Variants in IL1RAPL2 observed in about 807,000 individuals in gnomAD.
IL1RAPL2 encodes interleukin 1 receptor accessory protein like 2.
Under a neutral mutation model 44.1 loss-of-function variants are expected in IL1RAPL2, and 3 were observed. That is an observed-to-expected ratio of 0.07 (90% CI 0.03 to 0.18). IL1RAPL2 has a LOEUF of 0.18. Among genes scored for constraint, IL1RAPL2 ranks in the 10% least tolerant of loss-of-function variants. The pLI is 1.00. For missense variants in IL1RAPL2, 391 were observed against 496.4 expected (o/e 0.79, Z 2.02); for synonymous variants, 181 against 178.8 (o/e 1.01, Z -0.10).
chrX:105,405,470 T>G (rs1408206256), intron 5 of IL1RAPL2, among the ~76,000 whole-genome samples: 1 of 111,902 alleles, frequency 8.9e-6, no homozygotes, highest in Non-Finnish European at 1.9e-5. Flanking sequence ...TAGCATTTGC[T>G]TGGAACATGG....
chrX:105,199,740 A>G (rs1296162775), intron 3 of IL1RAPL2, among the ~76,000 whole-genome samples: 1 of 112,246 alleles, frequency 8.9e-6, no homozygotes, highest in African/African-American at 3.2e-5. Flanking sequence ...AGATTGGAAC[A>G]TAACTTGTGA....
At chrX:104,733,450 A>G (rs1306346386) in intron 2 of IL1RAPL2, among the ~76,000 whole-genome samples, 15 of 108,534 alleles carry the variant, frequency 1.4e-4, no homozygotes, top group Non-Finnish European at 2.7e-4. Flanking sequence ...GAAAACAACA[A>G]CAGCAGCAAC....
chrX:105,160,691 AAAG>A (rs1219932757), intron 2 of IL1RAPL2, among the ~76,000 whole-genome samples: 12 of 111,725 alleles, frequency 1.1e-4, no homozygotes, highest in Non-Finnish European at 1.7e-4. Context: ...AAGGAGATAG[AAAG>A]AAGAGGGTAT....
At chrX:105,639,881 A>G (rs111259426) in intron 6 of IL1RAPL2, among the ~76,000 whole-genome samples, 1 of 111,513 alleles carries the variant, frequency 9.0e-6, no homozygotes, top group Non-Finnish European at 1.9e-5. Context: ...GGCAGAAATG[A>G]CAAGTACCGT....
At chrX:105,274,358 A>G (rs982780482) in intron 5 of IL1RAPL2, among the ~76,000 whole-genome samples, 2 of 112,411 alleles carry the variant, frequency 1.8e-5, no homozygotes, top group Non-Finnish European at 3.8e-5. Context: ...GTAAATTGTT[A>G]CTGAATTTTG....
intron 2 of IL1RAPL2, among the ~76,000 whole-genome samples, chrX:104,840,195 G>A (rs1921863276): frequency 2.7e-5 from 3 of 111,903 alleles, no homozygotes; most frequent in South Asian, 3.7e-4. Context: ...TCTGATGTGG[G>A]TATTTAGTGC....
intron 6 of IL1RAPL2, among the ~76,000 whole-genome samples, chrX:105,512,915 C>T (rs1257749502): frequency 9.1e-6 from 1 of 110,433 alleles, no homozygotes; most frequent in Non-Finnish European, 1.9e-5. Flanking sequence ...GCTACCCCTC[C>T]CCTAGGCCCC....
chrX:104,771,125 T>C (rs1932635511), intron 2 of IL1RAPL2, among the ~76,000 whole-genome samples: 1 of 112,329 alleles, frequency 8.9e-6, no homozygotes, highest in South Asian at 3.7e-4. Context: ...GTCTTTAGGT[T>C]TTTTCATATC....
intron 6 of IL1RAPL2, among the ~76,000 whole-genome samples, chrX:105,625,920 T>C (rs2037450109): frequency 9.0e-6 from 1 of 111,680 alleles, no homozygotes; most frequent in South Asian, 3.7e-4. Context: ...GCATAATAAC[T>C]CAAAAGAGAA....
chrX:105,387,902 A>G (rs1318463488), intron 5 of IL1RAPL2, among the ~76,000 whole-genome samples: 2 of 108,257 alleles, frequency 1.8e-5, no homozygotes, highest in Non-Finnish European at 3.8e-5. Context: ...TAATCCCAGC[A>G]CTTTGGGAGA....
chrX:104,780,299 G>A (rs907783296), intron 2 of IL1RAPL2, among the ~76,000 whole-genome samples: 1 of 112,118 alleles, frequency 8.9e-6, no homozygotes, highest in African/African-American at 3.2e-5. Context: ...CCTCTGAAAA[G>A]TAAAAGCCAC....
At chrX:104,609,236 G>A (rs1013176375) in intron 1 of IL1RAPL2, among the ~76,000 whole-genome samples, 1 of 110,019 alleles carries the variant, frequency 9.1e-6, no homozygotes, top group Non-Finnish European at 1.9e-5. Flanking sequence ...TAGTCTGATG[G>A]GCTTCCCTTT....
At chrX:105,075,861 T>C (rs1161494629) in intron 2 of IL1RAPL2, among the ~76,000 whole-genome samples, 1 of 111,883 alleles carries the variant, frequency 8.9e-6, no homozygotes, top group Non-Finnish European at 1.9e-5. Context: ...TGATGGTAGT[T>C]TGTATTTCTG....
Position 105,178,100 on chromosome X carries a change from T to G in IL1RAPL2, c.83-17375T>G, listed in dbSNP as rs2033493042. On this transcript the variant is annotated intron_variant, in intron 2 of 10. Coordinates refer to ENST00000372582, the MANE Select transcript of IL1RAPL2 (RefSeq NM_017416.2). ...TGTTTCTTCTATCTAACCATATGTT[T>G]ATACCTATTAACCAATCTCTCACCT... Among the ~76,000 whole-genome samples, 3 of 111,782 alleles carry G rather than the reference T, an allele frequency of 2.7e-5. No individual in the cohort carries two copies. In the Admixed American group the frequency reaches 2.9e-4, roughly 11 times the overall value.
intron 2 of IL1RAPL2, among the ~76,000 whole-genome samples, chrX:104,737,499 C>G (rs1471294401): frequency 8.9e-6 from 1 of 112,010 alleles, no homozygotes; most frequent in Non-Finnish European, 1.9e-5. Context: ...ATCATTACAG[C>G]TTATTAAGAT....
At chrX:104,798,124 T>G (rs1932862251) in intron 2 of IL1RAPL2, among the ~76,000 whole-genome samples, 1 of 111,701 alleles carries the variant, frequency 9.0e-6, no homozygotes, top group Non-Finnish European at 1.9e-5. Flanking sequence ...ATTTAAAATA[T>G]TTAAAGTCAG....
chrX:105,381,355 A>C (rs144949884), intron 5 of IL1RAPL2, among the ~76,000 whole-genome samples: 1,918 of 111,709 alleles, frequency 0.017, 42 homozygotes, highest in African/African-American at 0.059. Flanking sequence ...CATTCTTCTC[A>C]ACACTCTCTT....
intron 5 of IL1RAPL2, among the ~76,000 whole-genome samples, chrX:105,411,665 A>G (rs1336899120): frequency 4.5e-5 from 5 of 111,743 alleles, no homozygotes; most frequent in Non-Finnish European, 9.4e-5. Context: ...CCAAATACGT[A>G]AAGAAAATAT....
At chrX:104,633,426 C>T (rs1238589691) in intron 1 of IL1RAPL2, among the ~76,000 whole-genome samples, 1 of 111,704 alleles carries the variant, frequency 9.0e-6, no homozygotes, top group African/African-American at 3.3e-5. Context: ...GTACCAGCTC[C>T]TCCTTGTCCC....
Sources: gnomAD v4.1 joint callset for allele counts (sites outside exome capture counted in the v4.1 genomes callset) on GRCh38, gnomAD v4.1.1 for gene constraint, MANE v1.5 for transcripts, NCBI Gene and HGNC (gene_info 2026-07-23, HGNC 2026-07-21) for gene names.